PRKN: variants seen among roughly 807,000 people sequenced by gnomAD.
PRKN encodes the protein E3 ubiquitin-protein ligase parkin.
In PRKN, 56 loss-of-function variants were observed where a neutral mutation model predicts 59.5. The ratio of observed to expected loss-of-function variants is 0.94; its 90% CI spans 0.76 to 1.18. The LOEUF is 1.18. Among genes scored for constraint, PRKN ranks in the 50% most tolerant of loss-of-function variants. PRKN has a pLI of 0.00. For missense variants in PRKN, 657 were observed against 596.4 expected, an observed-to-expected ratio of 1.10 and a Z score of -1.06; for synonymous variants, 250 against 222.1, an observed-to-expected ratio of 1.13 and a Z score of -1.12.
chr6:162,090,401 C>T (rs759412619), intron 4 of PRKN, among the ~76,000 whole-genome samples: 14 of 152,106 alleles, frequency 9.2e-5, no homozygotes, highest in Non-Finnish European at 1.6e-4. Flanking sequence ...CTACATTTTC[C>T]TAGTGGCAGA....
Position 161,468,711 on chromosome 6 carries a change from C to T in PRKN, c.1083+80143G>A, listed in dbSNP as rs1378585727. On this transcript the variant is annotated intron_variant, in intron 9 of 11. Coordinates refer to ENST00000366898, the MANE Select transcript of PRKN (RefSeq NM_004562.3). The surrounding 1 kb of genome is among the most constrained non-coding windows in gnomAD (Gnocchi z 5.9). ...ACTCTGCTATTTACCACTAATGCAGCTGCCGGGAGGATCCAGCCTCAGAGG... is the reference window on the plus strand; with the variant it reads ...ACTCTGCTATTTACCACTAATGCAGTTGCCGGGAGGATCCAGCCTCAGAGG... 3.3e-5 allele frequency among the ~76,000 whole-genome samples: 5 copies of T among 152,190 alleles called. No homozygotes were observed. The highest frequency in any genetic ancestry group is 3.3e-4 in the Admixed American group (5 of 15,284).
chr6:161,994,713 C>A (rs542643555), intron 5 of PRKN, among the ~76,000 whole-genome samples: 10 of 151,640 alleles, frequency 6.6e-5, no homozygotes, highest in African/African-American at 2.2e-4. Context: ...ATCCCATTTA[C>A]AATAGCTACC....
At chr6:162,568,273 C>T (rs2128207940) in intron 1 of PRKN, 1 of 214,896 alleles carries the variant, frequency 4.7e-6, no homozygotes, top group South Asian at 9.2e-5. Flanking sequence ...CAAAGGGGAT[C>T]ATATCAAGTC....
chr6:161,873,190 C>T (rs563779277), intron 6 of PRKN, among the ~76,000 whole-genome samples: 1 of 152,024 alleles, frequency 6.6e-6, no homozygotes, highest in African/African-American at 2.4e-5. Context: ...TCTCTTCCTT[C>T]GAAGCACGCG....
intron 9 of PRKN, among the ~76,000 whole-genome samples, chr6:161,511,002 GA>G (rs1340578201): frequency 6.6e-6 from 1 of 152,196 alleles, no homozygotes; most frequent in African/African-American, 2.4e-5. Flanking sequence ...TATTTTTAAA[GA>G]GGCCACTGAT....
chr6:161,951,917 TAA>T (rs34079539), intron 6 of PRKN, among the ~76,000 whole-genome samples: 165 of 143,634 alleles, frequency 1.1e-3, no homozygotes, highest in East Asian at 9.0e-3. Context: ...GACTCCATCT[TAA>T]AAAAAAAAAA....
At chr6:162,326,777 G>A (rs191711480) in intron 2 of PRKN, among the ~76,000 whole-genome samples, 1 of 152,262 alleles carries the variant, frequency 6.6e-6, no homozygotes, top group African/African-American at 2.4e-5. Flanking sequence ...CACTAGCATA[G>A]ATTTAAATAG....
At chr6:162,396,225 T>C (rs1787469346) in intron 2 of PRKN, among the ~76,000 whole-genome samples, 1 of 152,144 alleles carries the variant, frequency 6.6e-6, no homozygotes, top group South Asian at 2.1e-4. Flanking sequence ...TTTAGAATGT[T>C]TTGAAAGAAT....
chr6:161,568,871 A>C (rs885782), intron 8 of PRKN, among the ~76,000 whole-genome samples: 42,696 of 151,846 alleles, frequency 0.28, 6,534 homozygotes, highest in East Asian at 0.66. Flanking sequence ...TAAATAATCC[A>C]CTTCAAATGG....
chr6:161,953,812 C>T (rs1372504973), intron 6 of PRKN, among the ~76,000 whole-genome samples: 1 of 152,156 alleles, frequency 6.6e-6, no homozygotes, highest in Non-Finnish European at 1.5e-5. Flanking sequence ...GCACGACGCA[C>T]CCTGAATTTC....
rs118131132 is a variant in PRKN, at chr6:161,843,646, T to C, written c.735-57738A>G. On this transcript the variant is annotated intron_variant, in intron 6 of 11. Coordinates refer to ENST00000366898, the MANE Select transcript of PRKN (RefSeq NM_004562.3). ...ACTAAAAATACAAAAAGGAATTAGA[T>C]AGGCATGGTGGCGGGCACCTGTAAT... 0.012 allele frequency among the ~76,000 whole-genome samples: 1,871 copies of C among 152,134 alleles called. 52 individuals are homozygous for C. The East Asian group carries it at 0.13, about 10-fold the overall frequency.
intron 1 of PRKN, among the ~76,000 whole-genome samples, chr6:162,662,254 T>C (rs1231678358): frequency 6.6e-6 from 1 of 151,984 alleles, no homozygotes; most frequent in Non-Finnish European, 1.5e-5. Flanking sequence ...GGAGATTTTT[T>C]TAATGAGGTT....
chr6:162,684,490 T>TA (rs1274222354), intron 1 of PRKN, among the ~76,000 whole-genome samples: 1 of 152,146 alleles, frequency 6.6e-6, no homozygotes, highest in African/African-American at 2.4e-5. Flanking sequence ...TAATACAGCA[T>TA]AAGTTGAATG....
intron 5 of PRKN, among the ~76,000 whole-genome samples, chr6:162,021,494 A>T (rs1402213108): frequency 2.1e-5 from 3 of 140,182 alleles, no homozygotes; most frequent in African/African-American, 8.0e-5. Flanking sequence ...GCTCTTTTTT[A>T]AAATAATCTT....
Position 162,351,005 on chromosome 6 carries a change from G to A in PRKN, c.172-88240C>T, listed in dbSNP as rs562046817. ...AACTCACCATCCTGGGCAACAGAGC[G>A]AGACCCTGACTCTATAAAAAATAAA... On this transcript the variant is annotated intron_variant, in intron 2 of 11. Transcript: ENST00000366898. Among the ~76,000 whole-genome samples, 12 of 152,052 alleles carry A rather than the reference G, an allele frequency of 7.9e-5. No homozygotes were observed. The South Asian group carries it at 8.3e-4, about 11-fold the overall frequency.
chr6:161,879,967 C>G (rs145742306), intron 6 of PRKN, among the ~76,000 whole-genome samples: 2 of 152,170 alleles, frequency 1.3e-5, no homozygotes, highest in African/African-American at 2.4e-5. Context: ...TGAAAATGCA[C>G]AGAATAAAGG....
intron 2 of PRKN, among the ~76,000 whole-genome samples, chr6:162,320,138 T>C (rs900517507): frequency 6.6e-6 from 1 of 151,776 alleles, no homozygotes; most frequent in Non-Finnish European, 1.5e-5. Flanking sequence ...GCAAAGTACA[T>C]GATTCCATGT....
rs60414258 is a variant in PRKN at position 161,544,505 on chromosome 6, T to TATTC, written c.1083+4345_1083+4348dup. On this transcript the variant is annotated intron_variant, in intron 9 of 11. Coordinates refer to ENST00000366898, the MANE Select transcript of PRKN (RefSeq NM_004562.3). The surrounding 1 kb of genome is among the most constrained non-coding windows in gnomAD (Gnocchi z 5.5). ...TTAAGATTCACTCAACCATTTATTT[T>TATTC]ATTCATTCATTCATTCATTCATTCA... 0.01 allele frequency among the ~76,000 whole-genome samples: 1,245 copies of TATTC among 122,860 alleles called. 5 individuals are homozygous for TATTC. Among genetic ancestry groups the TATTC allele is most frequent in the East Asian group, 0.018 (44 of 2,396 alleles). 80.6% of individuals were successfully genotyped at this position (122,860 alleles called of 152,430 possible). A position where few individuals can be genotyped will look rare whatever the true frequency, so the allele number is the denominator to read the frequency against.
chr6:162,509,183 A>T (rs1348133721), intron 1 of PRKN, among the ~76,000 whole-genome samples: 1 of 152,196 alleles, frequency 6.6e-6, no homozygotes, highest in Non-Finnish European at 1.5e-5. Flanking sequence ...TTCTACAAAC[A>T]TATCCATTAA....
Sources: gnomAD v4.1 joint callset for allele counts (sites outside exome capture counted in the v4.1 genomes callset) on GRCh38, gnomAD v4.1.1 for gene constraint, Gnocchi (gnomAD v3.1) non-coding constraint, MANE v1.5 for transcripts, NCBI Gene and HGNC (gene_info 2026-07-23, HGNC 2026-07-21) for gene names.